Variants in DPYD observed in about 807,000 individuals in gnomAD.
The protein encoded by DPYD is dihydropyrimidine dehydrogenase, also known as dihydropyrimidine dehydrogenase [NADP(+)].
Under a neutral mutation model 116.2 loss-of-function variants are expected in DPYD, and 109 were observed. The ratio of observed to expected loss-of-function variants is 0.94; its 90% confidence interval spans 0.80 to 1.10. DPYD has a LOEUF of 1.10. Among genes scored for constraint, DPYD ranks in the 50% least tolerant of loss-of-function variants. DPYD has a pLI of 0.00. For missense variants in DPYD, 1,302 were observed against 1,254.5 expected (o/e 1.04, Z -0.57); for synonymous variants, 440 against 432.0 (o/e 1.02, Z -0.23).
intron 5 of DPYD, among the ~76,000 whole-genome samples, chr1:97,703,937 G>A (rs191014497): frequency 6.6e-6 from 1 of 151,856 alleles, no homozygotes; most frequent in Non-Finnish European, 1.5e-5. Flanking sequence ...ATCAGCACTA[G>A]AGCTGGTCCT....
chr1:97,819,043 C>T (rs1668781851), intron 3 of DPYD, among the ~76,000 whole-genome samples: 3 of 151,872 alleles, frequency 2.0e-5, no homozygotes, highest in South Asian at 4.1e-4. Flanking sequence ...AGTAATCATG[C>T]ACTTTTGTCT....
intron 14 of DPYD, among the ~76,000 whole-genome samples, chr1:97,400,330 G>C (rs1047372947): frequency 6.6e-6 from 1 of 152,176 alleles, no homozygotes; most frequent in Admixed American, 6.5e-5. Context: ...GCTTTTTGAT[G>C]TGTTGCTGGA....
At position 97,733,139 on chromosome 1, in the gene DPYD, T is replaced by G. The variant is rs543941150; in HGVS notation, c.321+7253A>C. On this transcript the variant is annotated intron_variant, in intron 4 of 22. Coordinates refer to ENST00000370192, the MANE Select transcript of DPYD (RefSeq NM_000110.4). ...AGAGTAATTATTCAAAAAACATATT[T>G]GGAACTATTTTAGCAATCTGGGAGG... 7.2e-5 allele frequency among the ~76,000 whole-genome samples: 11 copies of G among 152,192 alleles called. No homozygotes were observed. In the East Asian group the frequency reaches 2.1e-3, roughly 29 times the overall value.
At chr1:97,169,097 C>T (rs534108571) in intron 20 of DPYD, among the ~76,000 whole-genome samples, 1 of 152,246 alleles carries the variant, frequency 6.6e-6, no homozygotes, top group African/African-American at 2.4e-5. Context: ...ATCCACCCAC[C>T]TCAGCCTCTC....
At chr1:97,822,045 C>T (rs1463655157) in intron 3 of DPYD, among the ~76,000 whole-genome samples, 1 of 151,530 alleles carries the variant, frequency 6.6e-6, no homozygotes, top group East Asian at 1.9e-4. Context: ...TTTTCCTTCA[C>T]TGTTTTTCTA....
chr1:97,223,836 C>T (rs1660937735), intron 19 of DPYD, among the ~76,000 whole-genome samples: 1 of 151,984 alleles, frequency 6.6e-6, no homozygotes, highest in African/African-American at 2.4e-5. Flanking sequence ...TATTAAAGTT[C>T]TCCCTTCAAA....
At chr1:97,498,808 T>C (rs1177226051) in intron 13 of DPYD, among the ~76,000 whole-genome samples, 1 of 151,724 alleles carries the variant, frequency 6.6e-6, no homozygotes, top group Non-Finnish European at 1.5e-5. Context: ...TTTTTGTGAT[T>C]AGAACATTAG....
intron 12 of DPYD, among the ~76,000 whole-genome samples, chr1:97,533,458 A>C (rs1240162366): frequency 3.9e-5 from 6 of 152,122 alleles, no homozygotes; most frequent in Non-Finnish European, 5.9e-5. Flanking sequence ...AAAGGTAACA[A>C]TTGCCATACT....
At chr1:97,502,427 A>C (rs10493892) in intron 13 of DPYD, among the ~76,000 whole-genome samples, 12,793 of 152,086 alleles carry the variant, frequency 0.084, 656 homozygotes, top group South Asian at 0.1. Flanking sequence ...TATTGGTACC[A>C]GGTAAAGTAG....
chr1:97,088,836 G>T (rs1649703427), intron 21 of DPYD, among the ~76,000 whole-genome samples: 2 of 152,068 alleles, frequency 1.3e-5, no homozygotes, highest in South Asian at 4.1e-4. Context: ...TTAAAGTTCA[G>T]TTTGATAATT....
chr1:97,877,522 A>G (rs1285892512), intron 2 of DPYD, among the ~76,000 whole-genome samples: 1 of 152,034 alleles, frequency 6.6e-6, no homozygotes, highest in Admixed American at 6.6e-5. Context: ...CATGCTCTAT[A>G]CAAACACTGC....
At chr1:97,618,754 G>A (rs189492613) in intron 8 of DPYD, among the ~76,000 whole-genome samples, 10 of 152,188 alleles carry the variant, frequency 6.6e-5, no homozygotes, top group Admixed American at 5.9e-4. Flanking sequence ...ATAAACGTAG[G>A]ATTTTAATCC....
intron 20 of DPYD, among the ~76,000 whole-genome samples, chr1:97,168,555 T>C (rs1195584823): frequency 6.6e-6 from 1 of 152,198 alleles, no homozygotes. Flanking sequence ...AAGAGGACAG[T>C]ATGTTCATCT....
chr1:97,669,736 T>C (rs1287283935), intron 8 of DPYD, among the ~76,000 whole-genome samples: 1 of 152,132 alleles, frequency 6.6e-6, no homozygotes, highest in Non-Finnish European at 1.5e-5. Flanking sequence ...AAGGAACGGA[T>C]AAAACATAAA....
intron 13 of DPYD, among the ~76,000 whole-genome samples, chr1:97,514,015 AAAGT>A (rs796381830): frequency 2.0e-5 from 3 of 152,018 alleles, no homozygotes; most frequent in African/African-American, 4.8e-5. Flanking sequence ...ACCCACCATC[AAAGT>A]AAGTAAAATA....
chr1:97,722,726 G>A (rs748406776), intron 4 of DPYD, among the ~76,000 whole-genome samples: 1 of 151,478 alleles, frequency 6.6e-6, no homozygotes, highest in Non-Finnish European at 1.5e-5. Context: ...GAATACTGAT[G>A]ATAACAAAAA....
chr1:97,535,546 G>T lies in DPYD; in HGVS notation c.1524+14014C>A, dbSNP rs76286524. Among the ~76,000 whole-genome samples, 1,235 of 152,152 alleles carry T rather than the reference G, an allele frequency of 8.1e-3. 20 individuals carry two copies. The highest frequency in any genetic ancestry group is 0.028 in the African/African-American group (1,168 of 41,506). On this transcript the variant is annotated intron_variant, in intron 12 of 22. Transcript: ENST00000370192. ...GCCATTCTAATCTTCAATTATCTCT[G>T]CCTGAAGTAGCAATCTATTGCTATA...
chr1:97,405,707 G>C (rs1673618407), intron 14 of DPYD, among the ~76,000 whole-genome samples: 1 of 151,912 alleles, frequency 6.6e-6, no homozygotes, highest in Admixed American at 6.6e-5. Flanking sequence ...GTAGAGACAG[G>C]GTTTCACCAT....
Position 97,361,984 on chromosome 1 carries a change from C to T in DPYD, c.2058+11577G>A, listed in dbSNP as rs547182975. 9.5e-4 allele frequency among the ~76,000 whole-genome samples: 145 copies of T among 152,214 alleles called. 5 individuals are homozygous for T. In the South Asian group the frequency reaches 0.029, roughly 30 times the overall value. On this transcript the variant is annotated intron_variant, in intron 16 of 22. Coordinates refer to ENST00000370192, the MANE Select transcript of DPYD (RefSeq NM_000110.4). ...TCAGGCAAGAGAAAGAAATAAAGGG[C>T]ATTCAATTAGGAAAAGAGGAAGTCA...
Sources: gnomAD v4.1 joint callset for allele counts (sites outside exome capture counted in the v4.1 genomes callset) on GRCh38, gnomAD v4.1.1 for gene constraint, MANE v1.5 for transcripts, NCBI Gene and HGNC (gene_info 2026-07-23, HGNC 2026-07-21) for gene names.